Variants in EEF2 observed in about 807,000 individuals in gnomAD.
The protein encoded by EEF2 is eukaryotic translation elongation factor 2.
Under a neutral mutation model 85.3 loss-of-function variants are expected in EEF2, and 21 were observed. The observed-to-expected ratio is 0.25, with a 90% confidence interval of 0.17 to 0.35. The LOEUF (loss-of-function observed/expected upper bound fraction) is 0.35. Among genes scored for constraint, EEF2 ranks in the 10% least tolerant of loss-of-function variants. The pLI, the probability that EEF2 is intolerant of heterozygous loss-of-function variation, is 1.00. For missense variants in EEF2, 825 were observed against 1,225.3 expected, an observed-to-expected ratio of 0.67 and a Z score of 4.88; for synonymous variants, 723 against 508.8, an observed-to-expected ratio of 1.42 and a Z score of -5.67.
intron 1 of EEF2, chr19:3,984,918 G>C (rs552773609): frequency 1.2e-4 from 21 of 175,526 alleles, no homozygotes; most frequent in Admixed American, 6.9e-4. Flanking sequence ...ACGATTAACA[G>C]CATCAGGAGA....
At chr19:3,983,472 G>A (rs541329460) in intron 2 of EEF2, among the ~76,000 whole-genome samples, 181 bp from the exon 3 acceptor site, 1 of 152,062 alleles carries the variant, frequency 6.6e-6, no homozygotes, top group South Asian at 2.1e-4. Context: ...CCATGACAGG[G>A]AACTCCTGGT....
intron 10 of EEF2, 79 bp downstream of exon 10, chr19:3,979,729 A>T: frequency 1.3e-6 from 2 of 1,549,112 alleles, no homozygotes; most frequent in South Asian, 1.2e-5. Context: ...CAACCACAGC[A>T]ACCCACACAG....
intron 7 of EEF2, among the ~76,000 whole-genome samples, 151 bp downstream of exon 7, chr19:3,981,186 ATG>A (rs1323340043): frequency 3.9e-5 from 6 of 152,164 alleles, no homozygotes; most frequent in Non-Finnish European, 7.4e-5. Flanking sequence ...GGCTGCTGGG[ATG>A]TGTCTCCAGC....
In EEF2 at chr19:3,977,123, C is replaced by T. The variant is rs574088914; in HGVS notation, c.2383+92G>A. 3.7e-5 allele frequency: 56 copies of T among 1,531,448 alleles called. No homozygotes were observed. The highest frequency in any genetic ancestry group is 6.1e-5 in the South Asian group (5 of 81,360). 94.9% of individuals were successfully genotyped at this position (1,531,448 alleles called of 1,614,324 possible). A position where few individuals can be genotyped will look rare whatever the true frequency, so the allele number is the denominator to read the frequency against. On this transcript the variant is annotated intron_variant, in intron 14 of 14. Coordinates refer to ENST00000309311, the MANE Select transcript of EEF2 (RefSeq NM_001961.4). The surrounding 1 kb of genome is among the most constrained non-coding windows in gnomAD (Gnocchi z 5.4). ...CATCCATCACCTGCTCCCATCAGGACGCCTCCTTTAACACCTTGCTAAGCT... is the reference window on the plus strand; with the variant it reads ...CATCCATCACCTGCTCCCATCAGGATGCCTCCTTTAACACCTTGCTAAGCT...
chr19:3,979,134 A>T (rs188947438), intron 11 of EEF2, among the ~76,000 whole-genome samples, 195 bp downstream of exon 11: 2 of 152,258 alleles, frequency 1.3e-5, no homozygotes, highest in East Asian at 3.9e-4. Flanking sequence ...TATCTCAAAA[A>T]AAACAACAAC....
Position 3,977,084 on chromosome 19 carries a change from T to C in EEF2, c.2383+131A>G, listed in dbSNP as rs961336066. On this transcript the variant is annotated intron_variant, in intron 14 of 14. Transcript: ENST00000309311. The surrounding 1 kb of genome is among the most constrained non-coding windows in gnomAD (Gnocchi z 5.4). Reference sequence around the variant, plus strand: ...AGGGGGTCCACAAGCTGTCAGAAACTGGACCACCTGCTCCATCCATCACCT... The same window carrying C: ...AGGGGGTCCACAAGCTGTCAGAAACCGGACCACCTGCTCCATCCATCACCT... 1.3e-5 allele frequency: 17 copies of C among 1,357,128 alleles called. No homozygotes were observed. In the African/African-American group the frequency reaches 2.5e-4, roughly 20 times the overall value. The allele number at this position is 1,357,128 out of a possible 1,614,324, so 84.1% of individuals were successfully genotyped here. A position where few individuals can be genotyped will look rare whatever the true frequency, so the allele number is the denominator to read the frequency against.
In EEF2 at chr19:3,976,656, G is replaced by C. The variant is rs781600560; in HGVS notation, c.2475C>G (p.Phe825Leu). The C allele has an allele frequency of 1.9e-6, 3 of 1,609,624 alleles. No individual in the cohort carries two copies. The highest frequency in any genetic ancestry group is 2.5e-6 in the Non-Finnish European group (3 of 1,178,652). The change falls in exon 15 of 15, where the codon TTC becomes TTG. Residue 825 changes from phenylalanine (F) to leucine (L), a missense_variant. Coordinates refer to ENST00000309311, the MANE Select transcript of EEF2 (RefSeq NM_001961.4). ...DHWQILPGDP[F>L]DNSSRPSQVV... is the part of the protein sequence containing the mutation. Reference sequence around the variant, plus strand: ...CCTGGCTGGGGCGGCTGCTGTTGTCGAAGGGGTCTCCGGGCAGGATCTGCC... The same window carrying C: ...CCTGGCTGGGGCGGCTGCTGTTGTCCAAGGGGTCTCCGGGCAGGATCTGCC...
At chr19:3,982,111 GGTGGTCGCCAAGGGGACATGCTTGGGCAA>G in intron 5 of EEF2, 59 bp from the exon 6 acceptor site, 4 of 1,600,036 alleles carry the variant, frequency 2.5e-6, no homozygotes, top group Non-Finnish European at 3.4e-6. Context: ...ACTTGGGGAG[GGTGGTCGCCAAGGGGACATGCTTGGGCAA>G]GACCTGGTGG....
chr19:3,981,867 C>A, intron 6 of EEF2, 80 bp downstream of exon 6: 5 of 1,360,400 alleles, frequency 3.7e-6, no homozygotes, highest in Non-Finnish European at 5.2e-6. Flanking sequence ...CCCAGTCAGC[C>A]GACAGGCTAC....
intron 6 of EEF2, 107 bp from the exon 7 acceptor site, chr19:3,981,559 C>T (rs1226074797): frequency 1.6e-5 from 17 of 1,075,146 alleles, no homozygotes; most frequent in Admixed American, 9.5e-5. Flanking sequence ...GGACGCAGCA[C>T]GGGAGCAGGA....
At position 3,977,412 on chromosome 19, in the gene EEF2, G is replaced by A. The variant is rs1249872176; in HGVS notation, c.2250+16C>T. 6.3e-7 allele frequency: 1 copy of A among 1,586,636 alleles called. No individual in the cohort carries two copies. The highest frequency in any genetic ancestry group is 8.6e-7 in the Non-Finnish European group (1 of 1,165,942). On this transcript the variant is annotated intron_variant, in intron 13 of 14. Transcript: ENST00000309311. The surrounding 1 kb of genome is among the most constrained non-coding windows in gnomAD (Gnocchi z 5.4). ...CAGGACGGTGGCAGGGTCAGCGGTG[G>A]GCGGGTAGACCTCACCTGGATCTCC...
rs376424666 is a variant in EEF2 at position 3,982,767 on chromosome 19, C to A, written c.612+40G>T. The A allele has an allele frequency of 1.4e-5, 22 of 1,578,758 alleles. No individual in the cohort carries two copies. In the South Asian group the frequency reaches 2.0e-4, roughly 15 times the overall value. On this transcript the variant is annotated intron_variant, in intron 4 of 14. Coordinates refer to ENST00000309311, the MANE Select transcript of EEF2 (RefSeq NM_001961.4). ...ACTCCCCACCGGCTCCTGCAGATCC[C>A]GCTGCGGCAAGCCCACCACCCAGCT... is the stretch of plus-strand genomic sequence containing the variant.
rs1260325960 is a variant in EEF2, at chr19:3,980,944, G to A, written c.1047C>T (p.Ala349=). Residue 349 remains alanine, a synonymous_variant, in exon 8 of 15, where the codon GCC becomes GCT. Coordinates refer to ENST00000309311, the MANE Select transcript of EEF2 (RefSeq NM_001961.4). ...GGTGGATGGTGATCATCTGCAACAA[G>A]GCGTCTCCGGCAGGCAGCCAGCGGC... is the stretch of plus-strand genomic sequence containing the variant. ...VMRRWLPAGD[A]LLQMITIHLP... 4.4e-6 allele frequency: 7 copies of A among 1,573,652 alleles called. No homozygotes were observed. Among genetic ancestry groups the A allele is most frequent in the African/African-American group, 1.3e-5 (1 of 74,320 alleles).
Position 3,981,022 on chromosome 19 carries a change from A to C in EEF2, c.1012-43T>G, listed in dbSNP as rs767177969. 3.2e-6 allele frequency: 5 copies of C among 1,546,266 alleles called. No individual in the cohort carries two copies. In the South Asian group the frequency reaches 5.9e-5, roughly 18 times the overall value. ...GGTGCATGAGACACCTGGGGAGCCCAGGATGGCCCCACCCCGTACACGCTT... is the reference window on the plus strand; with the variant it reads ...GGTGCATGAGACACCTGGGGAGCCCCGGATGGCCCCACCCCGTACACGCTT... On this transcript the variant is annotated intron_variant, in intron 7 of 14. Transcript: ENST00000309311.
Position 3,976,539 on chromosome 19 carries a change from T to C in EEF2, c.*15A>G. ...TGCGAGTCCCCGGGGCGGCAGGCGC[T>C]GCAGGAAGGGCCGCCTACAATTTGT... On this transcript the variant is annotated 3_prime_UTR_variant, in exon 15 of 15. Coordinates refer to ENST00000309311, the MANE Select transcript of EEF2 (RefSeq NM_001961.4). 1.3e-6 allele frequency: 2 copies of C among 1,594,538 alleles called. No individual in the cohort carries two copies. The highest frequency in any genetic ancestry group is 1.7e-6 in the Non-Finnish European group (2 of 1,170,990).
rs528278063 is a variant in EEF2 at position 3,977,368 on chromosome 19, C to T, written c.2251-21G>A. On this transcript the variant is annotated intron_variant, in intron 13 of 14. Coordinates refer to ENST00000309311, the MANE Select transcript of EEF2 (RefSeq NM_001961.4). The surrounding 1 kb of genome is among the most constrained non-coding windows in gnomAD (Gnocchi z 5.4). ...GGACACTGCCAGAAGGGAAAGAAAACCTGTCAGTGGCCGCTGGGCAGGACG... is the reference window on the plus strand; with the variant it reads ...GGACACTGCCAGAAGGGAAAGAAAATCTGTCAGTGGCCGCTGGGCAGGACG... The T allele has an allele frequency of 1.3e-6, 2 of 1,590,968 alleles. No homozygotes were observed. The highest frequency in any genetic ancestry group is 2.3e-5 in the East Asian group (1 of 44,014).
chr19:3,982,800 G>C lies in EEF2; in HGVS notation c.612+7C>G, dbSNP rs551860516. ...CAAGCCCACCACCCAGCTAGGGAGG[G>C]CCGTACCATGATGTTGCCCATGGGG... is the stretch of plus-strand genomic sequence containing the variant. On this transcript the variant is annotated splice_region_variant and intron_variant, in intron 4 of 14. Transcript: ENST00000309311. 1 of 1,606,872 alleles carries C rather than the reference G, an allele frequency of 6.2e-7. No individual in the cohort carries two copies. The highest frequency in any genetic ancestry group is 1.1e-5 in the South Asian group (1 of 90,170).
At position 3,982,846 on chromosome 19, in the gene EEF2, G is replaced by A. The variant is rs776187765; in HGVS notation, c.573C>T (p.Thr191=). 3.7e-6 allele frequency: 6 copies of A among 1,613,280 alleles called. No homozygotes were observed. The African/African-American group carries it at 6.7e-5, about 18-fold the overall frequency. ...TGGGGCCGCTCTCGCCCTCGCCGTA[G>A]GTGGAGATGATGACGTTCACGTTCT... The part of the protein sequence containing the change: ...IVENVNVIIS[T]YGEGESGPMG... Residue 191 remains threonine, a synonymous_variant, in exon 4 of 15, where the codon ACC becomes ACT. Transcript: ENST00000309311.
chr19:3,976,843 G>A (rs1053042061), intron 14 of EEF2, 96 bp from the exon 15 acceptor site: 2 of 1,344,694 alleles, frequency 1.5e-6, no homozygotes, highest in Non-Finnish European at 2.0e-6. Flanking sequence ...CTCAGCCTGA[G>A]TCACCCTGCA....
Sources: gnomAD v4.1 joint callset for allele counts (sites outside exome capture counted in the v4.1 genomes callset) on GRCh38, gnomAD v4.1.1 for gene constraint, Gnocchi (gnomAD v3.1) non-coding constraint, MANE v1.5 for transcripts, NCBI Gene and HGNC (gene_info 2026-07-23, HGNC 2026-07-21) for gene names.